The following TSEN15 variants were observed in gnomAD, a reference collection of about 807,000 sequenced individuals.
TSEN15 encodes tRNA-splicing endonuclease subunit Sen15.
In TSEN15, 10 loss-of-function variants were observed where a neutral mutation model predicts 20.5. The ratio of observed to expected loss-of-function variants is 0.49; its 90% CI spans 0.30 to 0.83. TSEN15 has a LOEUF of 0.83. Among genes scored for constraint, TSEN15 ranks in the 40% least tolerant of loss-of-function variants. The pLI, the probability that TSEN15 is intolerant of heterozygous loss-of-function variation, is 0.06. For missense variants in TSEN15, 180 were observed against 218.6 expected (o/e 0.82, Z 1.11); for synonymous variants, 72 against 80.1 (o/e 0.90, Z 0.54).
intron 3 of TSEN15, among the ~76,000 whole-genome samples, chr1:184,059,791 G>A (rs1232746532): frequency 1.3e-5 from 2 of 152,112 alleles, no homozygotes; most frequent in South Asian, 2.1e-4. Flanking sequence ...GGCTGGTCTC[G>A]AACTCCTGAC....
Position 184,051,858 on chromosome 1 carries a change from C to T in TSEN15, c.103C>T (p.Pro35Ser). 1.3e-6 allele frequency: 2 copies of T among 1,552,910 alleles called. No individual in the cohort carries two copies. Among genetic ancestry groups the T allele is most frequent in the South Asian group, 1.2e-5 (1 of 83,442 alleles). The change falls in exon 1 of 5, where the codon CCT becomes TCT. Residue 35 changes from proline (P) to serine (S), a missense_variant. Coordinates refer to ENST00000645668, the MANE Select transcript of TSEN15 (RefSeq NM_052965.4). ...CGGCGGTGGAGCTCCTTCGTGGGCC[C>T]CTGAGGACGCCTGGATGGGCACTCA... ...GDGGGAPSWA[P>S]EDAWMGTHPK...
intron 3 of TSEN15, among the ~76,000 whole-genome samples, chr1:184,089,623 A>T (rs1363828449): frequency 6.6e-6 from 1 of 152,116 alleles, no homozygotes; most frequent in Non-Finnish European, 1.5e-5. Flanking sequence ...CTTAAAGTAG[A>T]TCTCATATTT....
rs150306510 is a variant in TSEN15, at chr1:184,059,562, G to T, written c.353+4699G>T. 3.1e-3 allele frequency among the ~76,000 whole-genome samples: 471 copies of T among 152,148 alleles called. 2 individuals are homozygous for T. The highest frequency in any genetic ancestry group is 7.4e-3 in the African/African-American group (306 of 41,500). ...GTTTTCCTAAGAATAGCTGGGACAT[G>T]TATACCTTTATACCTTCTTTTTTTT... On this transcript the variant is annotated intron_variant, in intron 3 of 4. Transcript: ENST00000645668.
At chr1:184,078,395 T>C (rs1487031312), downstream of TSEN15, among the ~76,000 whole-genome samples, 1 of 152,208 alleles carries the variant, frequency 6.6e-6, no homozygotes, top group African/African-American at 2.4e-5. Context: ...ATTTACTTTA[T>C]TGCAGTGGTC....
intron 3 of TSEN15, among the ~76,000 whole-genome samples, chr1:184,091,185 T>A (rs1651349944): frequency 6.6e-6 from 1 of 152,074 alleles, no homozygotes; most frequent in Non-Finnish European, 1.5e-5. Context: ...AGCACATGTA[T>A]CTCTTGTTCC....
At chr1:184,072,012 T>G in intron 3 of TSEN15, 145 bp from the exon 4 acceptor site, 1 of 674,104 alleles carries the variant, frequency 1.5e-6, no homozygotes, top group South Asian at 2.6e-5. Context: ...AAGACTCTGA[T>G]GTTATTTTTT....
chr1:184,071,970 T>A, intron 3 of TSEN15, 187 bp from the exon 4 acceptor site: 2 of 485,670 alleles, frequency 4.1e-6, no homozygotes, highest in Non-Finnish European at 7.0e-6. Context: ...TCCAATTATG[T>A]GTAATGTTGA....
At chr1:184,076,507 A>G (rs1001133658), downstream of TSEN15, among the ~76,000 whole-genome samples, 4 of 152,236 alleles carry the variant, frequency 2.6e-5, no homozygotes, top group East Asian at 7.7e-4. Flanking sequence ...TAACCCTACA[A>G]TGGCCTCTAT....
At chr1:184,095,638 TCTCTCTC>T in intron 3 of TSEN15, 1 of 81,720 alleles carries the variant, frequency 1.2e-5, no homozygotes, top group Admixed American at 2.5e-4. Context: ...CCCTTCTCTC[TCTCTCTC>T]TCTCTCTCTC....
In TSEN15 at chr1:184,054,855, C is replaced by T; in HGVS notation, c.345C>T (p.Ser115=). The change falls in exon 3 of 5, where the codon AGC becomes AGT. Residue 115 remains serine, a synonymous_variant. Transcript: ENST00000645668. ...VVPTPITASL[S]HNRIREILKA... ...CTACCCCCATCACTGCTTCCCTCAGCCATAACAGGTGAGCAGGTGATTTTG... is the reference window on the plus strand; with the variant it reads ...CTACCCCCATCACTGCTTCCCTCAGTCATAACAGGTGAGCAGGTGATTTTG... 1.2e-6 allele frequency: 2 copies of T among 1,610,294 alleles called. No individual in the cohort carries two copies. The highest frequency in any genetic ancestry group is 1.7e-6 in the Non-Finnish European group (2 of 1,178,240).
chr1:184,068,830 AATAAGGCTATAGC>A (rs1650783703), intron 3 of TSEN15, among the ~76,000 whole-genome samples: 1 of 152,218 alleles, frequency 6.6e-6, no homozygotes. Flanking sequence ...CCCTTTTACT[AATAAGGCTATAGC>A]ATATATTATT....
intron 1 of TSEN15, 77 bp downstream of exon 1, chr1:184,051,967 T>C (rs1650068341): frequency 7.6e-7 from 1 of 1,315,300 alleles, no homozygotes; most frequent in African/African-American, 1.5e-5. Context: ...GCTCTCTTTC[T>C]TTCTTCCTCA....
intron 1 of TSEN15, 136 bp downstream of exon 1, chr1:184,052,026 C>G (rs1343440158): frequency 1.1e-6 from 1 of 937,270 alleles, no homozygotes; most frequent in African/African-American, 1.7e-5. Context: ...GACCGGTGTG[C>G]ACAACTGCCA....
chr1:184,094,301 T>A (rs902550489), intron 3 of TSEN15: 1 of 152,282 alleles, frequency 6.6e-6, no homozygotes, highest in Non-Finnish European at 1.5e-5. Context: ...GAATTCATTC[T>A]GTTGAATTCC....
intron 4 of TSEN15, 160 bp from the exon 5 acceptor site, chr1:184,072,667 T>C: frequency 1.5e-6 from 1 of 679,630 alleles, no homozygotes. Flanking sequence ...TGGTTGACAT[T>C]TTGACAGGAA....
At chr1:184,089,132 T>C (rs1557891307) in intron 3 of TSEN15, among the ~76,000 whole-genome samples, 1 of 152,226 alleles carries the variant, frequency 6.6e-6, no homozygotes, top group Non-Finnish European at 1.5e-5. Flanking sequence ...TCCCCACTTT[T>C]AACTTCACAA....
chr1:184,089,484 G>A (rs1446667565), intron 3 of TSEN15, among the ~76,000 whole-genome samples: 1 of 152,090 alleles, frequency 6.6e-6, no homozygotes, highest in Non-Finnish European at 1.5e-5. Context: ...TATGGAAAAT[G>A]GCATATTCCC....
intron 3 of TSEN15, among the ~76,000 whole-genome samples, chr1:184,085,921 C>G (rs1159155258): frequency 6.6e-6 from 1 of 151,930 alleles, no homozygotes; most frequent in Non-Finnish European, 1.5e-5. Context: ...CAGGACTAGT[C>G]AAGGAACTGA....
chr1:184,079,953 T>A (rs1651131361), intron 3 of TSEN15, among the ~76,000 whole-genome samples: 1 of 152,198 alleles, frequency 6.6e-6, no homozygotes, highest in African/African-American at 2.4e-5. Context: ...AATACTTGTC[T>A]TGCAGTGTAT....
Sources: allele counts gnomAD v4.1 joint callset (sites outside exome capture counted in the v4.1 genomes callset), GRCh38; gene constraint gnomAD v4.1.1; transcripts MANE v1.5; gene names NCBI Gene and HGNC (gene_info 2026-07-23, HGNC 2026-07-21).